Variants in CAST observed in about 807,000 individuals in gnomAD.
The protein encoded by CAST is calpastatin.
A neutral mutation model predicts 119.6 loss-of-function variants in CAST; 76 were observed. That is an observed-to-expected ratio of 0.64 (90% CI 0.53 to 0.77). CAST has a LOEUF of 0.77. Among genes scored for constraint, CAST ranks in the 30% least tolerant of loss-of-function variants. CAST has a pLI of 0.00. For missense variants in CAST, 953 were observed against 946.5 expected (o/e 1.01, Z -0.09); for synonymous variants, 319 against 331.6 (o/e 0.96, Z 0.41).
At chr5:96,593,047 G>T (rs1331428159) in intron 1 of CAST, among the ~76,000 whole-genome samples, 3 of 152,218 alleles carry the variant, frequency 2.0e-5, no homozygotes, top group African/African-American at 7.2e-5. Context: ...TTACAGGCGT[G>T]AGCCACTGTG....
At chr5:96,030,433 C>T in the CAST span, among the ~76,000 whole-genome samples, 1 of 152,128 alleles carries the variant, frequency 6.6e-6, no homozygotes, top group African/African-American at 2.4e-5. Context: ...ATGAAATAGC[C>T]AGCAATGAAC....
the CAST span, among the ~76,000 whole-genome samples, chr5:96,373,436 C>G: frequency 6.6e-6 from 1 of 152,190 alleles, no homozygotes; most frequent in Admixed American, 6.5e-5. Flanking sequence ...GGTAGATCAA[C>G]TTAATCTTTT....
chr5:96,079,427 A>T, the CAST span, among the ~76,000 whole-genome samples: 1 of 152,204 alleles, frequency 6.6e-6, no homozygotes, highest in Non-Finnish European at 1.5e-5. Flanking sequence ...GTTTGAAACC[A>T]CTTTTAAGTA....
the CAST span, among the ~76,000 whole-genome samples, chr5:96,305,538 C>CA: frequency 2.6e-5 from 4 of 152,184 alleles, no homozygotes; most frequent in African/African-American, 9.7e-5. Flanking sequence ...TGCCGGTTTT[C>CA]AAAGGGAGTG....
At chr5:96,581,880 A>G (rs149673016) in intron 1 of CAST, among the ~76,000 whole-genome samples, 11,926 of 143,504 alleles carry the variant, frequency 0.083, 985 homozygotes, top group East Asian at 0.33. Context: ...GACAGAGCGA[A>G]ACTCTGTCTC....
At chr5:96,475,165 T>G in the CAST span, among the ~76,000 whole-genome samples, 1 of 152,126 alleles carries the variant, frequency 6.6e-6, no homozygotes, top group Non-Finnish European at 1.5e-5. Context: ...AGCTGGCCAG[T>G]GGAGGTTCTG....
chr5:95,971,538 C>T, the CAST span, among the ~76,000 whole-genome samples: 1 of 152,256 alleles, frequency 6.6e-6, no homozygotes, highest in Admixed American at 6.5e-5. Flanking sequence ...AAAAATTCGA[C>T]AAACAGAACA....
In CAST at chr5:96,742,777, T is replaced by A. The variant is rs1762972807; in HGVS notation, c.1200+21T>A. The stretch of plus-strand genomic sequence containing the variant: ...ATGAGGTACTGACCTTAGAGTTGAT[T>A]TACAAAGCTTGTTAGTCTGCACATT... On this transcript the variant is annotated intron_variant, in intron 16 of 31. Coordinates refer to ENST00000675179, the MANE Select transcript of CAST (RefSeq NM_001750.7). The A allele has an allele frequency of 4.5e-6, 7 of 1,551,892 alleles. No individual in the cohort carries two copies. In the East Asian group the frequency reaches 1.6e-4, roughly 35 times the overall value.
the CAST span, among the ~76,000 whole-genome samples, chr5:96,045,073 C>T: frequency 6.6e-6 from 1 of 151,988 alleles, no homozygotes; most frequent in Non-Finnish European, 1.5e-5. Flanking sequence ...ATAGAGCTGG[C>T]CGGGCGCAGT....
At chr5:96,495,651 T>C in the CAST span, among the ~76,000 whole-genome samples, 1 of 152,218 alleles carries the variant, frequency 6.6e-6, no homozygotes, top group East Asian at 1.9e-4. Context: ...CCACATTTTC[T>C]TTGTCCACTC....
chr5:96,746,471 A>C (rs1450337675), intron 17 of CAST, 46 bp downstream of exon 17: 1 of 1,071,072 alleles, frequency 9.3e-7, no homozygotes, highest in African/African-American at 1.6e-5. Context: ...TTGCCTTTGC[A>C]TCTTGTTTTG....
At chr5:96,450,245 G>A in the CAST span, among the ~76,000 whole-genome samples, 1 of 152,192 alleles carries the variant, frequency 6.6e-6, no homozygotes, top group East Asian at 1.9e-4. Context: ...TATACATCAT[G>A]GAACACTACT....
chr5:96,671,382 C>T (rs1159545950), intron 1 of CAST, among the ~76,000 whole-genome samples: 2 of 152,084 alleles, frequency 1.3e-5, no homozygotes, highest in African/African-American at 4.8e-5. Context: ...TGTTATTTTT[C>T]GTGCCTTTTG....
chr5:96,749,577 C>T (rs1764526573), intron 19 of CAST, among the ~76,000 whole-genome samples: 1 of 152,274 alleles, frequency 6.6e-6, no homozygotes, highest in East Asian at 1.9e-4. Context: ...GATAGGGTCT[C>T]ACTCTCTCTC....
the CAST span, among the ~76,000 whole-genome samples, chr5:96,281,608 C>G: frequency 6.6e-6 from 1 of 152,122 alleles, no homozygotes; most frequent in East Asian, 1.9e-4. Context: ...CAGTTTTCTG[C>G]CTTGCCATCC....
the CAST span, among the ~76,000 whole-genome samples, chr5:96,432,409 A>G: frequency 6.6e-6 from 1 of 152,106 alleles, no homozygotes; most frequent in Non-Finnish European, 1.5e-5. Context: ...TTGCATCAGG[A>G]CTTGGATCTG....
the CAST span, among the ~76,000 whole-genome samples, chr5:96,476,686 T>C: frequency 9.2e-5 from 14 of 152,206 alleles, no homozygotes; most frequent in Non-Finnish European, 1.8e-4. Flanking sequence ...AGTAGCCATA[T>C]GCATATCCCT....
At chr5:96,713,850 C>A (rs980341368) in intron 3 of CAST, among the ~76,000 whole-genome samples, 1 of 152,062 alleles carries the variant, frequency 6.6e-6, no homozygotes, top group Admixed American at 6.5e-5. Flanking sequence ...TGGTGCACAC[C>A]TGTAGTCCCA....
At chr5:96,372,773 C>T in the CAST span, among the ~76,000 whole-genome samples, 1 of 152,210 alleles carries the variant, frequency 6.6e-6, no homozygotes, top group African/African-American at 2.4e-5. Context: ...CCTTCATCTT[C>T]TGTGACCCTC....
Sources: allele counts gnomAD v4.1 joint callset (sites outside exome capture counted in the v4.1 genomes callset), GRCh38; gene constraint gnomAD v4.1.1; transcripts MANE v1.5; gene names NCBI Gene and HGNC (gene_info 2026-07-23, HGNC 2026-07-21).